Variants in SORCS3 observed in about 807,000 individuals in gnomAD.
SORCS3 encodes the protein sortilin related VPS10 domain containing receptor 3, also known as VPS10 domain-containing receptor SorCS3.
Under a neutral mutation model 146.3 loss-of-function variants are expected in SORCS3, and 57 were observed. The observed-to-expected ratio is 0.39, with a 90% confidence interval of 0.31 to 0.49. SORCS3 has a LOEUF of 0.49. Among genes scored for constraint, SORCS3 ranks in the 20% least tolerant of loss-of-function variants. The pLI is 0.92. For synonymous variants in SORCS3, 653 were observed against 618.5 expected, an observed-to-expected ratio of 1.06 and a Z score of -0.83; for missense variants, 1,341 against 1,575.5, an observed-to-expected ratio of 0.85 and a Z score of 2.52.
At chr10:104,968,090 A>G (rs1448607639) in intron 3 of SORCS3, among the ~76,000 whole-genome samples, 1 of 152,058 alleles carries the variant, frequency 6.6e-6, no homozygotes, top group Non-Finnish European at 1.5e-5. Context: ...TACAATTACT[A>G]TCTCCTTTTT....
chr10:104,883,889 G>T (rs1320984120), intron 2 of SORCS3, among the ~76,000 whole-genome samples: 1 of 151,856 alleles, frequency 6.6e-6, no homozygotes, highest in Non-Finnish European at 1.5e-5. Context: ...CTCCAATGTG[G>T]TGACTCCTGG....
At position 104,881,756 on chromosome 10, in the gene SORCS3, A is replaced by G. The variant is rs192525190; in HGVS notation, c.696-34077A>G. Among the ~76,000 whole-genome samples, 507 of 152,310 alleles carry G rather than the reference A, an allele frequency of 3.3e-3. 2 individuals are homozygous for G. The highest frequency in any genetic ancestry group is 0.018 in the South Asian group (88 of 4,832). ...CTTGCGTCAAAAACCAAGCAAAGCAAAAAGACTATGAAATGAGGTGTAACA... is the reference window on the plus strand; with the variant it reads ...CTTGCGTCAAAAACCAAGCAAAGCAGAAAGACTATGAAATGAGGTGTAACA... On this transcript the variant is annotated intron_variant, in intron 2 of 26. Transcript: ENST00000369701.
intron 4 of SORCS3, among the ~76,000 whole-genome samples, chr10:104,981,427 G>C (rs2054930933): frequency 6.6e-6 from 1 of 152,148 alleles, no homozygotes; most frequent in South Asian, 2.1e-4. Flanking sequence ...TAGAACAAAA[G>C]CTCTATAACT....
intron 3 of SORCS3, among the ~76,000 whole-genome samples, chr10:104,972,238 C>G (rs752356704): frequency 3.9e-5 from 6 of 152,178 alleles, no homozygotes; most frequent in African/African-American, 1.4e-4. Flanking sequence ...TGGATATTAT[C>G]AGAGTCAGGT....
At chr10:105,232,336 T>C (rs1406039429) in intron 20 of SORCS3, among the ~76,000 whole-genome samples, 5 of 152,122 alleles carry the variant, frequency 3.3e-5, no homozygotes, top group African/African-American at 1.2e-4. Flanking sequence ...TAGAAGTGTT[T>C]ATCATACTCT....
intron 1 of SORCS3, among the ~76,000 whole-genome samples, chr10:104,690,382 A>G (rs1347932387): frequency 6.6e-6 from 1 of 152,190 alleles, no homozygotes; most frequent in Non-Finnish European, 1.5e-5. Context: ...AGCGGTGAAG[A>G]ATGTCAGTTT....
intron 4 of SORCS3, among the ~76,000 whole-genome samples, chr10:105,012,213 G>A (rs2055140062): frequency 6.6e-6 from 1 of 152,136 alleles, no homozygotes; most frequent in Non-Finnish European, 1.5e-5. Flanking sequence ...AAAAGCTTCT[G>A]TCTCCCTAGT....
At chr10:104,877,414 T>G (rs2018587316) in intron 2 of SORCS3, among the ~76,000 whole-genome samples, 1 of 152,180 alleles carries the variant, frequency 6.6e-6, no homozygotes, top group South Asian at 2.1e-4. Flanking sequence ...TCCTCTTATG[T>G]AAAGTGGATA....
chr10:105,026,186 A>G (rs1028978607), intron 4 of SORCS3, among the ~76,000 whole-genome samples: 1 of 151,996 alleles, frequency 6.6e-6, no homozygotes, highest in Non-Finnish European at 1.5e-5. Flanking sequence ...TACACATCTT[A>G]TTGGTGTTAC....
rs370401906 is a variant in SORCS3, at chr10:104,773,493, A to G, written c.628-69299A>G. 2.6e-5 allele frequency among the ~76,000 whole-genome samples: 4 copies of G among 152,336 alleles called. No individual in the cohort carries two copies. The East Asian group carries it at 5.8e-4, about 22-fold the overall frequency. ...CTATGGAAATTGGTAAATGCTATAA[A>G]TCTGGGCTCTTCTATTTTTCCTTTC... On this transcript the variant is annotated intron_variant, in intron 1 of 26. Transcript: ENST00000369701.
chr10:105,244,972 G>A (rs2056856795), intron 20 of SORCS3, among the ~76,000 whole-genome samples: 2 of 151,790 alleles, frequency 1.3e-5, no homozygotes, highest in South Asian at 4.2e-4. Context: ...GGGAGGTTGA[G>A]GCAGGAGAAT....
intron 20 of SORCS3, among the ~76,000 whole-genome samples, chr10:105,227,359 G>C (rs1202705623): frequency 6.6e-6 from 1 of 151,962 alleles, no homozygotes; most frequent in Non-Finnish European, 1.5e-5. Flanking sequence ...AGTTTCTAAA[G>C]TTCCTCTTGT....
chr10:104,810,980 G>A (rs1168354148), intron 1 of SORCS3, among the ~76,000 whole-genome samples: 1 of 152,116 alleles, frequency 6.6e-6, no homozygotes, highest in Non-Finnish European at 1.5e-5. Context: ...CACAAAGAGT[G>A]AATTGTACTG....
chr10:105,248,707 C>G (rs1473086938), intron 22 of SORCS3, among the ~76,000 whole-genome samples: 1 of 113,324 alleles, frequency 8.8e-6, no homozygotes, highest in Non-Finnish European at 1.8e-5. Context: ...GAGTGAGACT[C>G]CATCTCAAAA....
chr10:105,046,125 G>A (rs570586420), intron 5 of SORCS3, among the ~76,000 whole-genome samples: 1 of 152,158 alleles, frequency 6.6e-6, no homozygotes, highest in South Asian at 2.1e-4. Context: ...GGTATTGAGG[G>A]TGGTTGGGGA....
At chr10:104,867,024 C>T (rs1339010937) in intron 2 of SORCS3, among the ~76,000 whole-genome samples, 2 of 152,168 alleles carry the variant, frequency 1.3e-5, no homozygotes, top group South Asian at 2.1e-4. Flanking sequence ...GGCCTAGACA[C>T]CACGTGAGGA....
intron 4 of SORCS3, among the ~76,000 whole-genome samples, chr10:104,992,190 A>G (rs2054998509): frequency 6.6e-6 from 1 of 152,152 alleles, no homozygotes; most frequent in Non-Finnish European, 1.5e-5. Context: ...AACCAGATCC[A>G]TGTGAGAGGC....
chr10:104,803,693 C>T (rs757350797), intron 1 of SORCS3, among the ~76,000 whole-genome samples: 6 of 152,124 alleles, frequency 3.9e-5, no homozygotes, highest in African/African-American at 4.8e-5. Flanking sequence ...ATAGGGAATG[C>T]GTTTAATGTT....
At chr10:105,077,101 A>G (rs1589621101) in intron 5 of SORCS3, among the ~76,000 whole-genome samples, 1 of 152,340 alleles carries the variant, frequency 6.6e-6, no homozygotes, top group East Asian at 1.9e-4. Flanking sequence ...GTATAAAGAT[A>G]TCAGATTAAA....
Sources: gnomAD v4.1 joint callset for allele counts (sites outside exome capture counted in the v4.1 genomes callset) on GRCh38, gnomAD v4.1.1 for gene constraint, MANE v1.5 for transcripts, NCBI Gene and HGNC (gene_info 2026-07-23, HGNC 2026-07-21) for gene names.